The following KLHL32 variants were observed in gnomAD, a reference collection of about 807,000 sequenced individuals.
KLHL32 encodes kelch like family member 32, also known as kelch-like protein 32.
A neutral mutation model predicts 64.8 loss-of-function variants in KLHL32; 35 were observed. The ratio of observed to expected loss-of-function variants is 0.54; its 90% confidence interval spans 0.41 to 0.72. The LOEUF is 0.72. Among genes scored for constraint, KLHL32 ranks in the 30% least tolerant of loss-of-function variants. KLHL32 has a pLI of 0.00. For missense variants in KLHL32, 589 were observed against 768.5 expected, an observed-to-expected ratio of 0.77 and a Z score of 2.76; for synonymous variants, 259 against 281.0, an observed-to-expected ratio of 0.92 and a Z score of 0.78.
chr6:96,986,852 C>T (rs76852771), intron 3 of KLHL32, among the ~76,000 whole-genome samples: 85 of 152,348 alleles, frequency 5.6e-4, no homozygotes, highest in African/African-American at 2.0e-3. Context: ...TGCTTCAGCT[C>T]ATGCTTGGTG....
At chr6:96,898,620 T>C in the KLHL32 span, among the ~76,000 whole-genome samples, 3 of 152,158 alleles carry the variant, frequency 2.0e-5, no homozygotes, top group African/African-American at 7.2e-5. Context: ...CTCCTATTTC[T>C]CTTCTCTCTT....
In KLHL32 at chr6:97,101,509, C is replaced by A. The variant is rs77132151; in HGVS notation, c.628-12274C>A. Reference sequence around the variant, plus strand: ...GACATATAATGGACACTTAAGAAAACGAGAAGTGTTTGTAATGGGAGATCC... The same window carrying A: ...GACATATAATGGACACTTAAGAAAAAGAGAAGTGTTTGTAATGGGAGATCC... On this transcript the variant is annotated intron_variant, in intron 6 of 10. Coordinates refer to ENST00000369261, the MANE Select transcript of KLHL32 (RefSeq NM_052904.4). Among the ~76,000 whole-genome samples, 586 of 152,220 alleles carry A rather than the reference C, an allele frequency of 3.8e-3. 6 individuals carry two copies. Among genetic ancestry groups the A allele is most frequent in the African/African-American group, 0.014 (570 of 41,542 alleles).
intron 1 of KLHL32, among the ~76,000 whole-genome samples, chr6:96,933,700 C>T (rs2127992589): frequency 6.6e-6 from 1 of 152,288 alleles, no homozygotes; most frequent in South Asian, 2.1e-4. Context: ...GACAGAGGGT[C>T]ATCTCCCAGG....
At chr6:97,134,549 G>C (rs1799786341) in intron 10 of KLHL32, among the ~76,000 whole-genome samples, 1 of 152,102 alleles carries the variant, frequency 6.6e-6, no homozygotes. Context: ...TATAGTGCTG[G>C]AACACTGTTT....
At chr6:97,050,876 A>G (rs976973181) in intron 4 of KLHL32, among the ~76,000 whole-genome samples, 1 of 151,994 alleles carries the variant, frequency 6.6e-6, no homozygotes, top group Non-Finnish European at 1.5e-5. Context: ...GGCGGTGGAC[A>G]TCTGTAATCC....
chr6:96,934,252 T>G (rs1770293651), intron 1 of KLHL32, among the ~76,000 whole-genome samples: 1 of 152,216 alleles, frequency 6.6e-6, no homozygotes, highest in Admixed American at 6.5e-5. Context: ...CTATACTTAC[T>G]GTGTGAGAAT....
Position 97,058,767 on chromosome 6 carries a change from A to G in KLHL32, c.313-5861A>G, listed in dbSNP as rs567848547. Among the ~76,000 whole-genome samples the G allele has an allele frequency of 1.5e-3, 224 of 152,328 alleles. 1 individual carries two copies. The highest frequency in any genetic ancestry group is 5.3e-3 in the African/African-American group (221 of 41,578). Reference sequence around the variant, plus strand: ...CATAATGCCTGGTGGTATGGCAGCCAATTTGAGACCATGAAACCACAGCCT... The same window carrying G: ...CATAATGCCTGGTGGTATGGCAGCCGATTTGAGACCATGAAACCACAGCCT... On this transcript the variant is annotated intron_variant, in intron 4 of 10. Coordinates refer to ENST00000369261, the MANE Select transcript of KLHL32 (RefSeq NM_052904.4).
chr6:97,054,888 G>A (rs1290713709), intron 4 of KLHL32, among the ~76,000 whole-genome samples: 1 of 152,154 alleles, frequency 6.6e-6, no homozygotes, highest in Non-Finnish European at 1.5e-5. Flanking sequence ...GCATTGGGCT[G>A]ATATCGTGCC....
chr6:97,060,933 C>T (rs752996720), intron 4 of KLHL32, among the ~76,000 whole-genome samples: 1 of 152,068 alleles, frequency 6.6e-6, no homozygotes, highest in Non-Finnish European at 1.5e-5. Flanking sequence ...GGGAATCAGT[C>T]GTGGCCCTCT....
chr6:96,972,729 C>T (rs1775249045), intron 2 of KLHL32, among the ~76,000 whole-genome samples: 1 of 152,136 alleles, frequency 6.6e-6, no homozygotes, highest in South Asian at 2.1e-4. Flanking sequence ...GGACATTGCT[C>T]TAAGTTGAGA....
intron 1 of KLHL32, among the ~76,000 whole-genome samples, chr6:96,964,998 C>G (rs1774295929): frequency 6.6e-6 from 1 of 152,218 alleles, no homozygotes; most frequent in African/African-American, 2.4e-5. Flanking sequence ...CCCATGCCCC[C>G]AGTCCCCTTC....
At chr6:96,934,125 G>A (rs184198357) in intron 1 of KLHL32, among the ~76,000 whole-genome samples, 30 of 152,278 alleles carry the variant, frequency 2.0e-4, no homozygotes, top group East Asian at 5.8e-4. Context: ...AGGACCTTGC[G>A]TCAGAAAATC....
chr6:97,004,568 A>G (rs1779430271), intron 3 of KLHL32, among the ~76,000 whole-genome samples: 1 of 152,050 alleles, frequency 6.6e-6, no homozygotes, highest in African/African-American at 2.4e-5. Flanking sequence ...TCTCAAGGGG[A>G]ATGCTTCCAG....
chr6:97,004,585 C>A (rs1464411569), intron 3 of KLHL32, among the ~76,000 whole-genome samples: 1 of 151,930 alleles, frequency 6.6e-6, no homozygotes, highest in African/African-American at 2.4e-5. Context: ...CCAGCGTTTG[C>A]CTATTTAGTA....
intron 4 of KLHL32, among the ~76,000 whole-genome samples, chr6:97,044,737 T>C (rs937476611): frequency 3.3e-5 from 5 of 152,068 alleles, no homozygotes; most frequent in Non-Finnish European, 7.4e-5. Flanking sequence ...TATTCAGTCT[T>C]GCTAGGTTGT....
intron 5 of KLHL32, among the ~76,000 whole-genome samples, chr6:97,065,414 C>T (rs913020635): frequency 7.2e-5 from 11 of 152,150 alleles, no homozygotes; most frequent in Admixed American, 3.3e-4. Context: ...GCTGGTAGGA[C>T]GTTCTGATTC....
In KLHL32 at chr6:97,041,510, A is replaced by G. The variant is rs1373032989; in HGVS notation, c.223A>G (p.Met75Val). ...ACCTCAGGCAATGTTCAGTCTTTGT[A>G]TGGTGGAAAGTGGAGCTGATGAGGT... is the stretch of plus-strand genomic sequence containing the variant. Reference protein sequence around the residue: ...DYFRAMFSLCMVESGADEVNL... With the variant: ...DYFRAMFSLCVVESGADEVNL... Residue 75 changes from methionine to valine, a missense_variant, in exon 4 of 11, where the codon ATG becomes GTG. Around this residue, in one of 3 missense-constraint regions of KLHL32, gnomAD observed 191 missense variants for 223.3 expected, o/e 0.86. Coordinates refer to ENST00000369261, the MANE Select transcript of KLHL32 (RefSeq NM_052904.4). 6.2e-7 allele frequency: 1 copy of G among 1,613,068 alleles called. No individual in the cohort carries two copies. The highest frequency in any genetic ancestry group is 8.5e-7 in the Non-Finnish European group (1 of 1,179,146).
chr6:97,072,428 A>G (rs890281399), intron 5 of KLHL32, among the ~76,000 whole-genome samples: 1 of 152,146 alleles, frequency 6.6e-6, no homozygotes, highest in African/African-American at 2.4e-5. Flanking sequence ...AAAAATCACA[A>G]CCTGATCATG....
chr6:96,928,766 G>A (rs1052689879), intron 1 of KLHL32, among the ~76,000 whole-genome samples: 3 of 152,122 alleles, frequency 2.0e-5, no homozygotes, highest in Non-Finnish European at 2.9e-5. Context: ...TCAAAAATGG[G>A]AAAAGATTCT....
Sources: allele counts gnomAD v4.1 joint callset (sites outside exome capture counted in the v4.1 genomes callset), GRCh38; gene constraint gnomAD v4.1.1; regional missense constraint gnomAD v4.1.1; transcripts MANE v1.5; gene names NCBI Gene and HGNC (gene_info 2026-07-23, HGNC 2026-07-21).